The following EFNA5 variants were observed in gnomAD, a reference collection of about 807,000 sequenced individuals.
The protein encoded by EFNA5 is ephrin A5, also known as ephrin-A5.
Under a neutral mutation model 22.9 loss-of-function variants are expected in EFNA5, and 5 were observed. The ratio of observed to expected loss-of-function variants is 0.22; its 90% CI spans 0.11 to 0.46. EFNA5 has a LOEUF of 0.46. EFNA5 is among the 20% of genes least tolerant of loss of function. The pLI is 0.99. For missense variants in EFNA5, 237 were observed against 293.3 expected (o/e 0.81, Z 1.40); for synonymous variants, 113 against 112.2 (o/e 1.01, Z -0.04).
At chr5:107,439,151 T>C (rs1240168119) in intron 1 of EFNA5, among the ~76,000 whole-genome samples, 3 of 152,142 alleles carry the variant, frequency 2.0e-5, no homozygotes, top group Non-Finnish European at 4.4e-5. Flanking sequence ...TAATTAAGGT[T>C]AAATGAAGTC....
intron 1 of EFNA5, among the ~76,000 whole-genome samples, chr5:107,665,543 T>C (rs1173075648): frequency 6.6e-6 from 1 of 152,246 alleles, no homozygotes; most frequent in East Asian, 1.9e-4. Flanking sequence ...AATAAACTAC[T>C]GAAGACTCTG....
chr5:107,403,030 C>T (rs905478104), intron 2 of EFNA5, among the ~76,000 whole-genome samples: 2 of 152,306 alleles, frequency 1.3e-5, no homozygotes, highest in Admixed American at 6.5e-5. Flanking sequence ...AAATGGCCAG[C>T]GTGCTGTGCC....
At chr5:107,556,917 CT>C (rs36095198) in intron 1 of EFNA5, among the ~76,000 whole-genome samples, 4 of 150,758 alleles carry the variant, frequency 2.7e-5, no homozygotes, top group Non-Finnish European at 4.4e-5. Context: ...CACAGGAAGA[CT>C]TTTTTTTTAA....
In EFNA5 at chr5:107,503,185, T is replaced by C. The variant is rs550701065; in HGVS notation, c.126-75676A>G. Among the ~76,000 whole-genome samples the C allele has an allele frequency of 6.6e-5, 10 of 152,296 alleles. 1 individual carries two copies. In the South Asian group the frequency reaches 1.5e-3, roughly 22 times the overall value. On this transcript the variant is annotated intron_variant, in intron 1 of 4. Transcript: ENST00000333274. ...CAATAAACTTGTCTACTATGCAGGATCGTTTCCCCTCAAGATCAAAGCTTC... is the reference window on the plus strand; with the variant it reads ...CAATAAACTTGTCTACTATGCAGGACCGTTTCCCCTCAAGATCAAAGCTTC...
chr5:107,476,057 T>TATATATATATATATGTATATATATATATA lies in EFNA5; in HGVS notation c.126-48549_126-48548insTATATATATATATACATATATATATATAT. Among the ~76,000 whole-genome samples, 98 of 100,438 alleles carry TATATATATATATATGTATATATATATATA rather than the reference T, an allele frequency of 9.8e-4. 4 individuals carry two copies. The highest frequency in any genetic ancestry group is 1.6e-3 in the South Asian group (5 of 3,202). The allele number at this position is 100,438 out of a possible 152,430, so 65.9% of individuals were successfully genotyped here. ...TGAGAGTTTTTAAACTATATATATA[T>TATATATATATATATGTATATATATATATA]TTTTTTTTTTTGAGACAGAGTCTTG... is the stretch of plus-strand genomic sequence containing the variant. On this transcript the variant is annotated intron_variant, in intron 1 of 4. Coordinates refer to ENST00000333274, the MANE Select transcript of EFNA5 (RefSeq NM_001962.3).
At chr5:107,558,389 C>T (rs1251214548) in intron 1 of EFNA5, among the ~76,000 whole-genome samples, 1 of 152,036 alleles carries the variant, frequency 6.6e-6, no homozygotes, top group African/African-American at 2.4e-5. Flanking sequence ...ATGCTTACCA[C>T]CTGATTATAT....
chr5:107,482,832 G>GTCTC (rs59574940), intron 1 of EFNA5, among the ~76,000 whole-genome samples: 57 of 94,006 alleles, frequency 6.1e-4, no homozygotes, highest in Middle Eastern at 5.4e-3. Flanking sequence ...CTCTGTCTCT[G>GTCTC]TCTCTCTCTC....
intron 1 of EFNA5, 78 bp from the exon 2 acceptor site, chr5:107,427,587 A>C (rs1194175753): frequency 5.9e-6 from 8 of 1,361,020 alleles, no homozygotes; most frequent in Non-Finnish European, 6.0e-6. Context: ...TAAGCCATTC[A>C]ATAATTTTGG....
chr5:107,660,165 G>GA (rs1277213755), intron 1 of EFNA5, among the ~76,000 whole-genome samples: 4 of 149,022 alleles, frequency 2.7e-5, no homozygotes, highest in Non-Finnish European at 6.0e-5. Flanking sequence ...AAATGCTATG[G>GA]AAAAAATACA....
At chr5:107,536,700 T>A (rs554521751) in intron 1 of EFNA5, among the ~76,000 whole-genome samples, 1 of 152,184 alleles carries the variant, frequency 6.6e-6, no homozygotes, top group Non-Finnish European at 1.5e-5. Context: ...CCTGCCAACA[T>A]GGCAATCAAA....
intron 2 of EFNA5, among the ~76,000 whole-genome samples, chr5:107,411,354 ACTC>A (rs1748362152): frequency 6.6e-6 from 1 of 152,106 alleles, no homozygotes; most frequent in South Asian, 2.1e-4. Context: ...ACTCTGAAGA[ACTC>A]CTCTTTCCTT....
chr5:107,415,032 C>T (rs1158944741), intron 2 of EFNA5, among the ~76,000 whole-genome samples: 1 of 152,104 alleles, frequency 6.6e-6, no homozygotes, highest in Non-Finnish European at 1.5e-5. Context: ...GTCAGAATGC[C>T]TTTGCTCAAA....
chr5:107,502,038 C>A (rs1049131322), intron 1 of EFNA5, among the ~76,000 whole-genome samples: 1 of 152,092 alleles, frequency 6.6e-6, no homozygotes, highest in Admixed American at 6.5e-5. Flanking sequence ...AGATGTACAC[C>A]GGGCATTGCC....
rs568558254 is a variant in EFNA5 at position 107,397,453 on chromosome 5, G to A, written c.419-9682C>T. Among the ~76,000 whole-genome samples, 7 of 152,094 alleles carry A rather than the reference G, an allele frequency of 4.6e-5. No individual in the cohort carries two copies. In the South Asian group the frequency reaches 1.5e-3, roughly 32 times the overall value. On this transcript the variant is annotated intron_variant, in intron 2 of 4. Transcript: ENST00000333274. ...AATCCCAGCTACTCAGGAGGCTGAG[G>A]CAGAGAATTGTTTGAACCTGGGAGG...
chr5:107,423,235 G>A (rs1016847517), intron 2 of EFNA5, among the ~76,000 whole-genome samples: 12 of 151,984 alleles, frequency 7.9e-5, no homozygotes, highest in African/African-American at 2.9e-4. Context: ...CTTTATAAAA[G>A]CATATATTCA....
At chr5:107,455,757 A>G (rs1749683744) in intron 1 of EFNA5, among the ~76,000 whole-genome samples, 1 of 152,172 alleles carries the variant, frequency 6.6e-6, no homozygotes, top group South Asian at 2.1e-4. Flanking sequence ...CTTTGCTCTT[A>G]AAGTTTATTG....
chr5:107,591,921 TATATAATATATAATA>T (rs1749348451), intron 1 of EFNA5, among the ~76,000 whole-genome samples: 3 of 9,850 alleles, frequency 3.0e-4, no homozygotes, highest in Non-Finnish European at 4.8e-4. Context: ...AAAAAATATA[TATATAATATATAATA>T]TATATATTAT....
chr5:107,555,174 T>A (rs770904033), intron 1 of EFNA5, among the ~76,000 whole-genome samples: 7 of 152,234 alleles, frequency 4.6e-5, no homozygotes, highest in Non-Finnish European at 7.3e-5. Flanking sequence ...TCTTGGCTTA[T>A]TAGCCCACAC....
intron 1 of EFNA5, among the ~76,000 whole-genome samples, chr5:107,619,782 G>C (rs192961021): frequency 6.6e-6 from 1 of 152,062 alleles, no homozygotes; most frequent in Admixed American, 6.5e-5. Context: ...ACTTTCTTCT[G>C]TCTTTCAGTA....
Sources: allele counts gnomAD v4.1 joint callset (sites outside exome capture counted in the v4.1 genomes callset), GRCh38; gene constraint gnomAD v4.1.1; transcripts MANE v1.5; gene names NCBI Gene and HGNC (gene_info 2026-07-23, HGNC 2026-07-21).